The following NELFCD variants were observed in gnomAD, a reference collection of about 807,000 sequenced individuals.
The protein encoded by NELFCD is negative elongation factor complex member C/D.
NELFCD carries 48 observed loss-of-function variants against 72.9 expected under a neutral mutation model. That is an observed-to-expected ratio of 0.66 (90% CI 0.52 to 0.84). The LOEUF (loss-of-function observed/expected upper bound fraction) is 0.84. Among genes scored for constraint, NELFCD ranks in the 40% least tolerant of loss-of-function variants. The pLI is 0.00. For missense variants in NELFCD, 538 were observed against 723.8 expected (o/e 0.74, Z 2.94); for synonymous variants, 297 against 280.6 (o/e 1.06, Z -0.59).
intron 1 of NELFCD, among the ~76,000 whole-genome samples, chr20:58,984,140 C>G (rs948672704): frequency 6.6e-6 from 1 of 152,132 alleles, no homozygotes; most frequent in Admixed American, 6.5e-5. Flanking sequence ...CCGTGATGTT[C>G]AGTCTGGATG....
chr20:58,994,287 G>A, intron 14 of NELFCD, 48 bp downstream of exon 14: 5 of 1,594,398 alleles, frequency 3.1e-6, no homozygotes, highest in Non-Finnish European at 4.3e-6. Context: ...ATGTCAGCTG[G>A]GCGCGGTGGC....
rs1018507463 is a variant in NELFCD, at chr20:58,988,908, T to G, written c.397-6T>G. 3 of 1,610,926 alleles carry G rather than the reference T, an allele frequency of 1.9e-6. No individual in the cohort carries two copies. Among genetic ancestry groups the G allele is most frequent in the Admixed American group, 3.3e-5 (2 of 59,980 alleles). On this transcript the variant is annotated splice_region_variant and splice_polypyrimidine_tract_variant and intron_variant, in intron 4 of 14. Transcript: ENST00000652272. ...CCTATCTTGCTGTTTGTGTGTGTGT[T>G]GGCAGACCCCAGCGTGGCTGGAACA...
Position 58,988,879 on chromosome 20 carries a change from T to G in NELFCD, c.397-35T>G, listed in dbSNP as rs560878084. 520 of 1,482,058 alleles carry G rather than the reference T, an allele frequency of 3.5e-4. 5 individuals are homozygous for G. The South Asian group carries it at 5.3e-3, about 15-fold the overall frequency. The allele number at this position is 1,482,058 out of a possible 1,614,324, so 91.8% of individuals were successfully genotyped here. A position where few individuals can be genotyped will look rare whatever the true frequency, so the allele number is the denominator to read the frequency against. Reference sequence around the variant, plus strand: ...TCTCCACTCAAGTAAAAGTGGGGCCTCCTCCTATCTTGCTGTTTGTGTGTG... The same window carrying G: ...TCTCCACTCAAGTAAAAGTGGGGCCGCCTCCTATCTTGCTGTTTGTGTGTG... On this transcript the variant is annotated intron_variant, in intron 4 of 14. Coordinates refer to ENST00000652272, the MANE Select transcript of NELFCD (RefSeq NM_198976.4).
chr20:58,993,450 TCAG>T lies in NELFCD; in HGVS notation c.1349_1351del (p.Ser450del). The T allele has an allele frequency of 6.2e-7, 1 of 1,613,538 alleles. No individual in the cohort carries two copies. Among genetic ancestry groups the T allele is most frequent in the Non-Finnish European group, 8.5e-7 (1 of 1,180,016 alleles). On this transcript the variant is annotated inframe_deletion and splice_region_variant, in exon 12 of 15. Coordinates refer to ENST00000652272, the MANE Select transcript of NELFCD (RefSeq NM_198976.4). This position sits in a 1 kb window ranked among gnomAD's most constrained non-coding sequence, Gnocchi z 5.0. ...AAGCTCCCTCTGGCCTGTTTGTAGA[TCAG>T]CACCTGCCACCAGCTCCTGCACCCC...
At chr20:58,991,638 C>T in intron 9 of NELFCD, 192 bp downstream of exon 9, 1 of 753,786 alleles carries the variant, frequency 1.3e-6, no homozygotes, top group South Asian at 1.9e-5. Context: ...CAATGCTCTG[C>T]AAACCGTAAA....
chr20:58,987,247 T>C (rs1371515428), intron 3 of NELFCD: 1 of 260,382 alleles, frequency 3.8e-6, no homozygotes, highest in Non-Finnish European at 7.3e-6. Flanking sequence ...GTTAATATGA[T>C]CAAAGTAGAG....
chr20:58,992,085 A>G (rs2091821884), intron 10 of NELFCD, 65 bp downstream of exon 10: 1 of 1,475,746 alleles, frequency 6.8e-7, no homozygotes. Flanking sequence ...GAGTTTTCAT[A>G]TTGAAAGCTC....
chr20:58,981,301 G>T lies in NELFCD; in HGVS notation c.-9G>T. 2 of 1,080,788 alleles carry T rather than the reference G, an allele frequency of 1.9e-6. No individual in the cohort carries two copies. The highest frequency in any genetic ancestry group is 1.1e-6 in the Non-Finnish European group (1 of 888,980). 66.9% of individuals were successfully genotyped at this position (1,080,788 alleles called of 1,614,324 possible). A position where few individuals can be genotyped will look rare whatever the true frequency, so the allele number is the denominator to read the frequency against. On this transcript the variant is annotated 5_prime_UTR_variant, in exon 1 of 15. Transcript: ENST00000652272. Reference sequence around the variant, plus strand: ...GGAGGGCATGGCGGGGGCCGTGCCGGGCGCCATCATGGACGAGGACTACTA... The same window carrying T: ...GGAGGGCATGGCGGGGGCCGTGCCGTGCGCCATCATGGACGAGGACTACTA...
rs779023752 is a variant in NELFCD, at chr20:58,991,888, G to A, written c.1097G>A (p.Arg366Gln). 1 of 1,614,142 alleles carries A rather than the reference G, an allele frequency of 6.2e-7. No individual in the cohort carries two copies. Among genetic ancestry groups the A allele is most frequent in the Non-Finnish European group, 8.5e-7 (1 of 1,180,006 alleles). The change falls in exon 10 of 15, where the codon CGA becomes CAA. Residue 366 changes from arginine (R) to glutamine (Q), a missense_variant. Physicochemically the swap from Arg to Gln is conservative, Grantham distance 43. Coordinates refer to ENST00000652272, the MANE Select transcript of NELFCD (RefSeq NM_198976.4). Reference sequence around the variant, plus strand: ...TTGTGTGTGTGTTTTCAGAACAAGCGAGTGAGCATCAATAAAGATGAGCTG... The same window carrying A: ...TTGTGTGTGTGTTTTCAGAACAAGCAAGTGAGCATCAATAAAGATGAGCTG... ...SVVETWKKNK[R>Q]VSINKDELKS... is the part of the protein sequence containing the mutation.
At chr20:58,988,051 A>G (rs959031840) in intron 4 of NELFCD, 78 of 513,782 alleles carry the variant, frequency 1.5e-4, no homozygotes, top group African/African-American at 1.5e-3. Flanking sequence ...ATGAACAGCA[A>G]GTTCCCACCA....
chr20:58,987,478 T>C (rs1601213039), intron 3 of NELFCD: 1 of 540,986 alleles, frequency 1.8e-6, no homozygotes, highest in Admixed American at 3.4e-5. Context: ...GATGGTGCTG[T>C]CCTTTCCATG....
At chr20:58,982,064 A>G (rs2091737653) in intron 1 of NELFCD, among the ~76,000 whole-genome samples, 1 of 148,872 alleles carries the variant, frequency 6.7e-6, no homozygotes, top group Admixed American at 6.7e-5. Flanking sequence ...GAGGCGCATG[A>G]TTGAAATGTA....
intron 3 of NELFCD, chr20:58,987,485 C>T (rs945109514): frequency 9.3e-6 from 5 of 540,182 alleles, no homozygotes; most frequent in African/African-American, 5.8e-5. Flanking sequence ...CTGTCCTTTC[C>T]ATGAAGTTAG....
chr20:58,986,498 C>T lies in NELFCD; in HGVS notation c.177-256C>T. Reference sequence around the variant, plus strand: ...GCCACCACAGGCGTCTGCCATCATGCCTGGCTATTTTTGTTTTTGTTTTTT... The same window carrying T: ...GCCACCACAGGCGTCTGCCATCATGTCTGGCTATTTTTGTTTTTGTTTTTT... On this transcript the variant is annotated intron_variant, in intron 2 of 14. Coordinates refer to ENST00000652272, the MANE Select transcript of NELFCD (RefSeq NM_198976.4). The surrounding 1 kb of genome is among the most constrained non-coding windows in gnomAD (Gnocchi z 4.4). 1.8e-6 allele frequency: 1 copy of T among 557,314 alleles called. No individual in the cohort carries two copies. Among genetic ancestry groups the T allele is most frequent in the Non-Finnish European group, 3.1e-6 (1 of 318,238 alleles). 34.5% of individuals were successfully genotyped at this position (557,314 alleles called of 1,614,324 possible).
chr20:58,992,866 A>T, intron 10 of NELFCD, 132 bp from the exon 11 acceptor site: 10 of 567,442 alleles, frequency 1.8e-5, no homozygotes, highest in East Asian at 1.2e-4. Context: ...AAAAAAAAAA[A>T]GGGTTGGGGG....
At chr20:58,994,610 T>A in intron 14 of NELFCD, 32 bp from the exon 15 acceptor site, 1 of 1,569,618 alleles carries the variant, frequency 6.4e-7, no homozygotes, top group East Asian at 2.2e-5. Flanking sequence ...TACTTCCTGT[T>A]TCTAACACAG....
rs1480804158 is a variant in NELFCD at position 58,986,177 on chromosome 20, A to G, written c.145A>G (p.Met49Val). The G allele has an allele frequency of 6.2e-7, 1 of 1,613,298 alleles. No individual in the cohort carries two copies. The highest frequency in any genetic ancestry group is 1.7e-5 in the Admixed American group (1 of 60,010). ...TAAATTTTCCACCCGGGATTATATCATGGAACCCTCCATCTTCAACACTCT... is the reference window on the plus strand; with the variant it reads ...TAAATTTTCCACCCGGGATTATATCGTGGAACCCTCCATCTTCAACACTCT... ...LHKFSTRDYIMEPSIFNTLKR... is the reference protein window; with the variant it reads ...LHKFSTRDYIVEPSIFNTLKR... The change falls in exon 2 of 15, where the codon ATG (methionine) becomes GTG (valine). Residue 49 changes from methionine to valine, a missense_variant. By Grantham distance (21) the Met-to-Val change is conservative (BLOSUM62 1). Transcript: ENST00000652272. This position sits in a 1 kb window ranked among gnomAD's most constrained non-coding sequence, Gnocchi z 4.4.
rs762976586 is a variant in NELFCD, at chr20:58,981,280, G to A, written c.-30G>A. ...CATGCGCCGCGCTCGCTCGCGGGAG[G>A]GCATGGCGGGGGCCGTGCCGGGCGC... On this transcript the variant is annotated 5_prime_UTR_variant, in exon 1 of 15. Coordinates refer to ENST00000652272, the MANE Select transcript of NELFCD (RefSeq NM_198976.4). 4.7e-6 allele frequency: 5 copies of A among 1,069,068 alleles called. No homozygotes were observed. Among genetic ancestry groups the A allele is most frequent in the Admixed American group, 9.0e-5 (2 of 22,126 alleles). 66.2% of individuals were successfully genotyped at this position (1,069,068 alleles called of 1,614,324 possible).
In NELFCD at chr20:58,993,090, T is replaced by C. The variant is rs538131830; in HGVS notation, c.1322T>C (p.Val441Ala). The change falls in exon 11 of 15, where the codon GTC (valine) becomes GCC (alanine). Residue 441 changes from valine to alanine, a missense_variant. Physicochemically the swap from Val to Ala is moderately conservative, Grantham distance 64. Coordinates refer to ENST00000652272, the MANE Select transcript of NELFCD (RefSeq NM_198976.4). This position sits in a 1 kb window ranked among gnomAD's most constrained non-coding sequence, Gnocchi z 5.0. The part of the protein sequence containing the change: ...YFQLQTDHTP[V>A]HLALLDEIST... ...CAGCTGCAGACTGACCATACCCCTG[T>C]CCACCTGGCGTTGCTGGATGAGGTA... 1 of 1,614,070 alleles carries C rather than the reference T, an allele frequency of 6.2e-7. No homozygotes were observed. The highest frequency in any genetic ancestry group is 1.1e-5 in the South Asian group (1 of 91,080).
Sources: gnomAD v4.1 joint callset for allele counts (sites outside exome capture counted in the v4.1 genomes callset) on GRCh38, gnomAD v4.1.1 for gene constraint, Gnocchi (gnomAD v3.1) non-coding constraint, MANE v1.5 for transcripts, NCBI Gene and HGNC (gene_info 2026-07-23, HGNC 2026-07-21) for gene names.